Variants in RGS6 observed in about 807,000 individuals in gnomAD.
RGS6 encodes the protein regulator of G-protein signaling 6.
Under a neutral mutation model 78.5 loss-of-function variants are expected in RGS6, and 30 were observed. That is an observed-to-expected ratio of 0.38 (90% CI 0.29 to 0.52). The LOEUF (loss-of-function observed/expected upper bound fraction) is 0.52. Among genes scored for constraint, RGS6 ranks in the 20% least tolerant of loss-of-function variants. The pLI is 0.85. For synonymous variants in RGS6, 206 were observed against 206.0 expected (o/e 1.00, Z 0.00); for missense variants, 495 against 609.7 (o/e 0.81, Z 1.98).
intron 2 of RGS6, among the ~76,000 whole-genome samples, chr14:72,204,051 T>C (rs1353354578): frequency 6.6e-6 from 1 of 152,076 alleles, no homozygotes; most frequent in East Asian, 1.9e-4. Flanking sequence ...CTCAAACTCC[T>C]GACCTCCAGT....
At chr14:72,413,137 C>G (rs1165789386) in intron 3 of RGS6, among the ~76,000 whole-genome samples, 5 of 152,154 alleles carry the variant, frequency 3.3e-5, no homozygotes, top group Non-Finnish European at 7.4e-5. Flanking sequence ...AACTTTCTGT[C>G]TCGTTGATCT....
intron 2 of RGS6, among the ~76,000 whole-genome samples, chr14:72,305,299 G>A (rs2066981849): frequency 6.6e-6 from 1 of 152,174 alleles, no homozygotes; most frequent in South Asian, 2.1e-4. Flanking sequence ...GTGGATTCTA[G>A]TGTTGGGGTT....
the RGS6 span, among the ~76,000 whole-genome samples, chr14:72,624,123 A>T: frequency 6.6e-6 from 1 of 152,140 alleles, no homozygotes; most frequent in African/African-American, 2.4e-5. Flanking sequence ...GAGAAACATC[A>T]CACTATATTT....
chr14:72,460,681 C>T (rs1480003053), intron 6 of RGS6, among the ~76,000 whole-genome samples: 2 of 152,172 alleles, frequency 1.3e-5, no homozygotes, highest in Non-Finnish European at 2.9e-5. Context: ...GCTGCTGTGG[C>T]AGTCTCATCT....
chr14:72,494,531 TTTA>T (rs1176871637), intron 12 of RGS6, among the ~76,000 whole-genome samples: 6 of 152,164 alleles, frequency 3.9e-5, no homozygotes, highest in Non-Finnish European at 8.8e-5. Context: ...TTGGTACTAT[TTTA>T]TTATTCTAAC....
intron 2 of RGS6, among the ~76,000 whole-genome samples, chr14:72,306,925 T>G (rs1287474987): frequency 6.6e-6 from 1 of 152,244 alleles, no homozygotes; most frequent in Non-Finnish European, 1.5e-5. Flanking sequence ...GAAAGAATTT[T>G]TGTGTGCATG....
chr14:71,984,315 A>C (rs1390687706), intron 2 of RGS6, among the ~76,000 whole-genome samples: 22 of 112,308 alleles, frequency 2.0e-4, no homozygotes, highest in Admixed American at 1.6e-3. Flanking sequence ...AAAAAAAAAA[A>C]AAAAAAACAA....
chr14:72,287,356 T>C (rs2062759394), intron 2 of RGS6, among the ~76,000 whole-genome samples: 1 of 152,242 alleles, frequency 6.6e-6, no homozygotes, highest in Non-Finnish European at 1.5e-5. Context: ...AAGTAAGTGG[T>C]GACAGTGGGC....
intron 2 of RGS6, among the ~76,000 whole-genome samples, chr14:72,307,548 G>A (rs2067542069): frequency 6.6e-6 from 1 of 152,020 alleles, no homozygotes; most frequent in Non-Finnish European, 1.5e-5. Context: ...AACATACAAT[G>A]TCATATTTAT....
intron 2 of RGS6, among the ~76,000 whole-genome samples, chr14:72,256,484 T>C (rs1168526056): frequency 6.6e-6 from 1 of 152,136 alleles, no homozygotes; most frequent in Non-Finnish European, 1.5e-5. Flanking sequence ...AGTAAGAAAT[T>C]ATAGAAAAGC....
chr14:72,387,057 A>G (rs911998914), intron 3 of RGS6, among the ~76,000 whole-genome samples: 3 of 152,204 alleles, frequency 2.0e-5, no homozygotes, highest in African/African-American at 7.2e-5. Context: ...TAAAACACTG[A>G]CTATGCAATA....
At chr14:72,352,309 A>C (rs2079258338) in intron 3 of RGS6, 115 bp downstream of exon 3, 2 of 689,458 alleles carry the variant, frequency 2.9e-6, no homozygotes, top group East Asian at 5.7e-5. Context: ...TGAAACATTC[A>C]GTGTGTTTCT....
chr14:72,211,717 A>C (rs2044214526), intron 2 of RGS6, among the ~76,000 whole-genome samples: 3 of 152,206 alleles, frequency 2.0e-5, no homozygotes, highest in Admixed American at 6.5e-5. Flanking sequence ...ACGAAGTTCA[A>C]CTGCAAAATA....
chr14:72,026,249 A>G (rs2153300255), intron 2 of RGS6, among the ~76,000 whole-genome samples: 1 of 151,996 alleles, frequency 6.6e-6, no homozygotes, highest in Non-Finnish European at 1.5e-5. Flanking sequence ...TCTGTTAAAA[A>G]TATGAAAATT....
chr14:72,003,074 A>G (rs984618481), intron 2 of RGS6, among the ~76,000 whole-genome samples: 1 of 152,198 alleles, frequency 6.6e-6, no homozygotes, highest in Non-Finnish European at 1.5e-5. Flanking sequence ...ATCAATAAGT[A>G]TTTTGTTTCT....
chr14:72,312,513 C>T (rs1318162238), intron 2 of RGS6, among the ~76,000 whole-genome samples: 1 of 152,098 alleles, frequency 6.6e-6, no homozygotes, highest in Non-Finnish European at 1.5e-5. Flanking sequence ...CCACTAATTT[C>T]GTGTGTTTCC....
chr14:72,201,798 C>T (rs2041644389), intron 2 of RGS6, among the ~76,000 whole-genome samples: 1 of 152,164 alleles, frequency 6.6e-6, no homozygotes, highest in Non-Finnish European at 1.5e-5. Flanking sequence ...CACTCATTTA[C>T]ATAATGTCTA....
intron 1 of RGS6, among the ~76,000 whole-genome samples, chr14:71,956,521 G>C (rs1212438643): frequency 6.6e-6 from 1 of 151,988 alleles, no homozygotes; most frequent in Non-Finnish European, 1.5e-5. Context: ...CAAAACTGAA[G>C]AACTTGTAGT....
intron 2 of RGS6, among the ~76,000 whole-genome samples, chr14:72,061,418 G>C (rs1195473165): frequency 6.6e-6 from 1 of 152,146 alleles, no homozygotes; most frequent in Admixed American, 6.5e-5. Flanking sequence ...ATTTAATATA[G>C]TTGAGAAGAT....
Sources: gnomAD v4.1 joint callset for allele counts (sites outside exome capture counted in the v4.1 genomes callset) on GRCh38, gnomAD v4.1.1 for gene constraint, MANE v1.5 for transcripts, NCBI Gene and HGNC (gene_info 2026-07-23, HGNC 2026-07-21) for gene names.